Variants in DOCK11 observed in about 807,000 individuals in gnomAD.
The protein encoded by DOCK11 is dedicator of cytokinesis 11.
DOCK11 carries 70 observed loss-of-function variants against 169.1 expected under a neutral mutation model. That is an observed-to-expected ratio of 0.41 (90% confidence interval 0.34 to 0.51). The LOEUF (loss-of-function observed/expected upper bound fraction) is 0.51, where lower values mean the gene tolerates loss of function less well. Ranked by LOEUF, DOCK11 falls within the 20% of genes least tolerant of loss-of-function variation. The probability of loss-of-function intolerance (pLI) is 0.10; values close to 1 mark genes in which losing one functional copy is unlikely to be tolerated. For missense variants in DOCK11, 1,166 were observed against 1,538.8 expected, an observed-to-expected ratio of 0.76 and a Z score of 4.05; for synonymous variants, 529 against 541.3, an observed-to-expected ratio of 0.98 and a Z score of 0.32.
intron 31 of DOCK11, among the ~76,000 whole-genome samples, chrX:118,619,211 C>T (rs181975197): frequency 4.6e-5 from 5 of 108,411 alleles, no homozygotes; most frequent in Non-Finnish European, 7.7e-5. Context: ...CAGTGGCTCA[C>T]ACCTGTAATC....
At chrX:118,586,655 G>A (rs2013826225) in intron 16 of DOCK11, among the ~76,000 whole-genome samples, 2 of 111,982 alleles carry the variant, frequency 1.8e-5, no homozygotes, top group African/African-American at 6.5e-5. Context: ...AGGAACTGAA[G>A]AGGGAGAAAG....
At chrX:118,631,647 A>T (rs1395626366) in intron 35 of DOCK11, among the ~76,000 whole-genome samples, 1 of 110,706 alleles carries the variant, frequency 9.0e-6, no homozygotes, top group East Asian at 2.8e-4. Context: ...GTTTTTTTTT[A>T]AAAAGAGGCC....
intron 52 of DOCK11, among the ~76,000 whole-genome samples, chrX:118,684,271 C>T (rs866166519): frequency 1.8e-3 from 139 of 78,292 alleles, no homozygotes; most frequent in Middle Eastern, 6.4e-3. Context: ...TTTTTTTTTT[C>T]TTTTTTTTTT....
At chrX:118,679,095 A>T (rs906896965) in intron 48 of DOCK11, among the ~76,000 whole-genome samples, 3 of 109,470 alleles carry the variant, frequency 2.7e-5, no homozygotes. Context: ...ACCCCAGCTA[A>T]TTTTTTTATG....
At chrX:118,498,762 T>C (rs866374594) in intron 1 of DOCK11, among the ~76,000 whole-genome samples, 80 of 111,266 alleles carry the variant, frequency 7.2e-4, no homozygotes, top group African/African-American at 2.5e-3. Context: ...AGGTTTTTTT[T>C]TTATTTTTTT....
chrX:118,581,838 A>AT (rs1453253436), intron 14 of DOCK11, among the ~76,000 whole-genome samples: 1 of 93,036 alleles, frequency 1.1e-5, no homozygotes, highest in African/African-American at 4.0e-5. Context: ...AAAAAAAAAA[A>AT]AATTGGTTAT....
chrX:118,580,719 C>T (rs1441098900), intron 14 of DOCK11, among the ~76,000 whole-genome samples: 1 of 111,069 alleles, frequency 9.0e-6, no homozygotes, highest in Non-Finnish European at 1.9e-5. Flanking sequence ...GGTTACTGCT[C>T]TGACTGACAC....
chrX:118,584,251 C>A (rs1422822601), intron 14 of DOCK11, among the ~76,000 whole-genome samples: 1 of 111,421 alleles, frequency 9.0e-6, no homozygotes, highest in Non-Finnish European at 1.9e-5. Flanking sequence ...ATCTGATTTT[C>A]ATTGCAGATG....
intron 27 of DOCK11, among the ~76,000 whole-genome samples, chrX:118,609,744 TACAA>T (rs1374360851): frequency 5.3e-5 from 6 of 112,507 alleles, no homozygotes; most frequent in African/African-American, 1.6e-4. Context: ...CGTGGAGTGT[TACAA>T]ACACTTTATG....
rs1321650148 is a variant in DOCK11 at position 118,594,760 on chromosome X, G to A, written c.2263+1423G>A. ...CTCAGAAGAGCGAGTTATTCAGCTG[G>A]TGGAGAGACGAGTGGCTGAGAATCA... is the stretch of plus-strand genomic sequence containing the variant. On this transcript the variant is annotated intron_variant, in intron 20 of 52. Transcript: ENST00000276202. 4.5e-5 allele frequency among the ~76,000 whole-genome samples: 5 copies of A among 111,641 alleles called. No individual in the cohort carries two copies. The East Asian group carries it at 1.1e-3, about 25-fold the overall frequency.
At chrX:118,542,520 T>TTATG (rs149027952) in intron 1 of DOCK11, among the ~76,000 whole-genome samples, 1,242 of 103,937 alleles carry the variant, frequency 0.012, 6 homozygotes, top group African/African-American at 0.025. Context: ...GTGTGTGTGT[T>TTATG]TGTGTGTGTG....
At chrX:118,607,970 G>T (rs895484172) in intron 24 of DOCK11, 102 bp from the exon 25 acceptor site, 71 of 618,049 alleles carry the variant, frequency 1.1e-4, no homozygotes, top group Non-Finnish European at 2.3e-5. Flanking sequence ...AATTATTCAG[G>T]CAGTGTTAGA....
chrX:118,521,617 A>G (rs995547957), intron 1 of DOCK11, among the ~76,000 whole-genome samples: 7 of 112,570 alleles, frequency 6.2e-5, no homozygotes, highest in African/African-American at 2.3e-4. Context: ...GCACCACATG[A>G]CAGACTTTGT....
intron 34 of DOCK11, 145 bp from the exon 35 acceptor site, chrX:118,630,234 C>G (rs968747446): frequency 2.4e-6 from 1 of 414,796 alleles, no homozygotes; most frequent in Non-Finnish European, 4.4e-6. Flanking sequence ...AAAGATTCAG[C>G]CCATTCACCT....
intron 40 of DOCK11, 131 bp downstream of exon 40, chrX:118,643,725 T>C (rs369274410): frequency 8.2e-6 from 6 of 732,356 alleles, no homozygotes; most frequent in East Asian, 3.4e-5. Flanking sequence ...CCTTTGTAAA[T>C]AGAAATACAG....
chrX:118,598,991 C>A (rs1431470938), intron 22 of DOCK11, 148 bp from the exon 23 acceptor site: 1 of 452,604 alleles, frequency 2.2e-6, no homozygotes, highest in Non-Finnish European at 3.8e-6. Flanking sequence ...GGTTTTGCTG[C>A]TTTGTATAGT....
chrX:118,652,064 A>G lies in DOCK11; in HGVS notation c.4682A>G (p.Asp1561Gly). Residue 1561 changes from aspartate (D) to glycine (G), a missense_variant, in exon 42 of 53, where the codon GAC becomes GGC. Coordinates refer to ENST00000276202, the MANE Select transcript of DOCK11 (RefSeq NM_144658.4). ...LFIINNFANSDRPMKATAFPA... is the reference protein window; with the variant it reads ...LFIINNFANSGRPMKATAFPA... ...ATTATCAATAATTTTGCAAATAGTG[A>G]CAGACCTATGAAGGTATGTTCTCAT... is the stretch of plus-strand genomic sequence containing the variant. The G allele has an allele frequency of 1.7e-6, 2 of 1,167,977 alleles. No homozygotes were observed. The highest frequency in any genetic ancestry group is 2.3e-6 in the Non-Finnish European group (2 of 859,687).
At chrX:118,619,619 CAT>C (rs906669529) in intron 31 of DOCK11, among the ~76,000 whole-genome samples, 34 of 107,789 alleles carry the variant, frequency 3.2e-4, no homozygotes, top group African/African-American at 1.1e-3. Flanking sequence ...TTCTGTGAAA[CAT>C]ATGCTTTAAT....
chrX:118,523,006 G>A (rs183548003), intron 1 of DOCK11, among the ~76,000 whole-genome samples: 2 of 112,655 alleles, frequency 1.8e-5, no homozygotes, highest in African/African-American at 6.4e-5. Context: ...TAAAATGTGA[G>A]TAGTGATAGT....
Sources: allele counts gnomAD v4.1 joint callset (sites outside exome capture counted in the v4.1 genomes callset), GRCh38; gene constraint gnomAD v4.1.1; transcripts MANE v1.5; gene names NCBI Gene and HGNC (gene_info 2026-07-23, HGNC 2026-07-21).